The following MEF2C variants were observed in gnomAD, a reference collection of about 807,000 sequenced individuals.
MEF2C encodes myocyte-specific enhancer factor 2C.
A neutral mutation model predicts 50.5 loss-of-function variants in MEF2C; 6 were observed. The ratio of observed to expected loss-of-function variants is 0.12; its 90% CI spans 0.07 to 0.23. The LOEUF (loss-of-function observed/expected upper bound fraction) is 0.23, where lower values mean the gene tolerates loss of function less well. Among genes scored for constraint, MEF2C ranks in the 10% least tolerant of loss-of-function variants. MEF2C has a pLI of 1.00. For missense variants in MEF2C, 276 were observed against 605.0 expected, an observed-to-expected ratio of 0.46 and a Z score of 5.70; for synonymous variants, 183 against 228.0, an observed-to-expected ratio of 0.80 and a Z score of 1.78.
At chr5:88,748,925 A>AG (rs1771260592) in intron 6 of MEF2C, 145 bp downstream of exon 6, 2 of 1,509,434 alleles carry the variant, frequency 1.3e-6, no homozygotes, top group Non-Finnish European at 1.8e-6. Context: ...GCTTCAGAAA[A>AG]GTGCTTTAAA....
At position 88,719,673 on chromosome 5, in the gene MEF2C, G is replaced by T. The variant is rs1370831261; in HGVS notation, c.*2931C>A. On this transcript the variant is annotated 3_prime_UTR_variant, in exon 11 of 11. Coordinates refer to ENST00000504921, the MANE Select transcript of MEF2C (RefSeq NM_002397.5). Reference sequence around the variant, plus strand: ...CAAATACAATAAATGGTAAATTACAGATAAGGTATAAGGGTAAAGATAGAC... The same window carrying T: ...CAAATACAATAAATGGTAAATTACATATAAGGTATAAGGGTAAAGATAGAC... 6.6e-6 allele frequency: 1 copy of T among 152,212 alleles called. No individual in the cohort carries two copies. The highest frequency in any genetic ancestry group is 2.1e-4 in the South Asian group (1 of 4,838). 9.4% of individuals were successfully genotyped at this position (152,212 alleles called of 1,614,324 possible). A position where few individuals can be genotyped will look rare whatever the true frequency, so the allele number is the denominator to read the frequency against.
chr5:88,807,185 C>T (rs550002737), intron 2 of MEF2C, among the ~76,000 whole-genome samples: 14 of 152,206 alleles, frequency 9.2e-5, no homozygotes, highest in African/African-American at 3.4e-4. Context: ...ATTTGAATGC[C>T]GAATTTGCTA....
At chr5:88,754,257 A>G (rs1213377015) in intron 4 of MEF2C, among the ~76,000 whole-genome samples, 2 of 152,206 alleles carry the variant, frequency 1.3e-5, no homozygotes, top group Non-Finnish European at 2.9e-5. Context: ...TCTCTAGCGA[A>G]GACCCCATCT....
chr5:88,773,617 T>C (rs532890901), intron 3 of MEF2C, among the ~76,000 whole-genome samples: 1 of 152,360 alleles, frequency 6.6e-6, no homozygotes, highest in South Asian at 2.1e-4. Context: ...GACAGTAGAA[T>C]GTTGCTACAA....
intron 1 of MEF2C, chr5:88,843,554 G>T: frequency 1.3e-6 from 1 of 792,074 alleles, no homozygotes; most frequent in Non-Finnish European, 1.5e-6. Flanking sequence ...TTTTTTCTAA[G>T]ACTCAATTTC....
intron 1 of MEF2C, among the ~76,000 whole-genome samples, chr5:88,875,115 T>C (rs935565440): frequency 1.3e-5 from 2 of 152,006 alleles, no homozygotes; most frequent in African/African-American, 4.8e-5. Flanking sequence ...TTTTACTTTA[T>C]TTTTTAAGGA....
chr5:88,853,696 T>G (rs972342497), intron 1 of MEF2C, among the ~76,000 whole-genome samples: 2 of 152,242 alleles, frequency 1.3e-5, no homozygotes, highest in African/African-American at 4.8e-5. Flanking sequence ...TAGCTTTTAT[T>G]AGATGTCCAC....
Position 88,734,547 on chromosome 5 carries a change from A to G in MEF2C, c.638-2646T>C, listed in dbSNP as rs1270059419. On this transcript the variant is annotated intron_variant, in intron 6 of 10. Transcript: ENST00000504921. ...GTGCGAAAATGGAAATGCTTCACGG[A>G]GGCCTTGAGAAAAGTTTGTTTTTTT... The G allele has an allele frequency of 1.3e-5, 9 of 694,370 alleles. No homozygotes were observed. The Admixed American group carries it at 3.5e-4, about 27-fold the overall frequency. The allele number at this position is 694,370 out of a possible 1,614,324, so 43.0% of individuals were successfully genotyped here. A position where few individuals can be genotyped will look rare whatever the true frequency, so the allele number is the denominator to read the frequency against.
chr5:88,850,404 G>C (rs1820898769), intron 1 of MEF2C, among the ~76,000 whole-genome samples: 1 of 152,052 alleles, frequency 6.6e-6, no homozygotes, highest in Admixed American at 6.5e-5. Flanking sequence ...TAGATCTAGG[G>C]TTTGAAGTTA....
At position 88,837,820 on chromosome 5, in the gene MEF2C, T is replaced by C. The variant is rs144235532; in HGVS notation, c.-142-13890A>G. On this transcript the variant is annotated intron_variant, in intron 1 of 10. Transcript: ENST00000504921. ...AACAGTTAAGACTAAGGTTTCATTA[T>C]GCACTTTGGACCACTAATCACATTT... Among the ~76,000 whole-genome samples, 6 of 152,362 alleles carry C rather than the reference T, an allele frequency of 3.9e-5. No homozygotes were observed. The East Asian group carries it at 9.6e-4, about 24-fold the overall frequency.
intron 6 of MEF2C, chr5:88,740,795 A>G: frequency 1.0e-6 from 1 of 985,364 alleles, no homozygotes; most frequent in South Asian, 4.7e-5. Flanking sequence ...AATTCCATTT[A>G]ACTATGAATG....
At chr5:88,769,000 T>C (rs1781217671) in intron 3 of MEF2C, among the ~76,000 whole-genome samples, 2 of 152,174 alleles carry the variant, frequency 1.3e-5, no homozygotes, top group South Asian at 4.1e-4. Context: ...CAGTGAAATC[T>C]TTTAATGCCA....
At chr5:88,846,060 T>A (rs954801484) in intron 1 of MEF2C, among the ~76,000 whole-genome samples, 16 of 151,846 alleles carry the variant, frequency 1.1e-4, no homozygotes, top group African/African-American at 3.9e-4. Flanking sequence ...AAATAATATA[T>A]ACTTCAAGTC....
intron 1 of MEF2C, among the ~76,000 whole-genome samples, chr5:88,894,049 G>A (rs527330826): frequency 1.3e-5 from 2 of 152,290 alleles, no homozygotes; most frequent in South Asian, 2.1e-4. Flanking sequence ...TTATTAGAAT[G>A]TGGGTTGAAA....
At chr5:88,774,527 T>G (rs1373949587) in intron 3 of MEF2C, among the ~76,000 whole-genome samples, 2 of 152,112 alleles carry the variant, frequency 1.3e-5, no homozygotes, top group Non-Finnish European at 2.9e-5. Flanking sequence ...TTTCACCGTG[T>G]TAGCCAGCAT....
rs1756653618 is a variant in MEF2C at position 88,722,508 on chromosome 5, G to A, written c.*96C>T. On this transcript the variant is annotated 3_prime_UTR_variant, in exon 11 of 11. Coordinates refer to ENST00000504921, the MANE Select transcript of MEF2C (RefSeq NM_002397.5). ...CCTGACTTTTTTTTTTTCCACACACGGCACATATAATGCATATCGACCCCC... is the reference window on the plus strand; with the variant it reads ...CCTGACTTTTTTTTTTTCCACACACAGCACATATAATGCATATCGACCCCC... 3 of 1,098,852 alleles carry A rather than the reference G, an allele frequency of 2.7e-6. No homozygotes were observed. The highest frequency in any genetic ancestry group is 2.2e-4 in the Middle Eastern group (1 of 4,578). 68.1% of individuals were successfully genotyped at this position (1,098,852 alleles called of 1,614,324 possible). A position where few individuals can be genotyped will look rare whatever the true frequency, so the allele number is the denominator to read the frequency against.
chr5:88,878,199 G>C (rs980486093), intron 1 of MEF2C, among the ~76,000 whole-genome samples: 2 of 151,948 alleles, frequency 1.3e-5, no homozygotes, highest in Admixed American at 1.3e-4. Flanking sequence ...TCAATCTAGT[G>C]TCTACACTTG....
chr5:88,770,767 T>C (rs1355038622), intron 3 of MEF2C, among the ~76,000 whole-genome samples: 1 of 152,216 alleles, frequency 6.6e-6, no homozygotes, highest in Non-Finnish European at 1.5e-5. Context: ...CCAGTCAATC[T>C]TCCTTCATAC....
At chr5:88,883,567 C>A (rs1282566773), upstream of MEF2C, 1 of 151,938 alleles carries the variant, frequency 6.6e-6, no homozygotes, top group Non-Finnish European at 1.5e-5. Context: ...GAAGACGGAG[C>A]ACGAATGGTT....
Sources: allele counts gnomAD v4.1 joint callset (sites outside exome capture counted in the v4.1 genomes callset), GRCh38; gene constraint gnomAD v4.1.1; transcripts MANE v1.5; gene names NCBI Gene and HGNC (gene_info 2026-07-23, HGNC 2026-07-21).